Variants in ZNF385D observed in about 807,000 individuals in gnomAD.
The protein encoded by ZNF385D is zinc finger protein 659.
In ZNF385D, 15 loss-of-function variants were observed where a neutral mutation model predicts 35.8. That is an observed-to-expected ratio of 0.42 (90% confidence interval 0.28 to 0.64). ZNF385D has a LOEUF of 0.64. Among genes scored for constraint, ZNF385D ranks in the 30% least tolerant of loss-of-function variants. The probability of loss-of-function intolerance (pLI) is 0.23; values close to 1 mark genes in which losing one functional copy is unlikely to be tolerated. For missense variants in ZNF385D, 474 were observed against 494.6 expected (o/e 0.96, Z 0.39); for synonymous variants, 212 against 186.8 (o/e 1.13, Z -1.10).
At chr3:21,778,145 C>T (rs544099213) in intron 3 of ZNF385D, among the ~76,000 whole-genome samples, 52 of 152,006 alleles carry the variant, frequency 3.4e-4, no homozygotes, top group African/African-American at 1.3e-3. Context: ...AAAATTTAAA[C>T]ACTCCACAGT....
chr3:22,108,175 T>C (rs1208045266), intron 3 of ZNF385D, among the ~76,000 whole-genome samples: 1 of 152,100 alleles, frequency 6.6e-6, no homozygotes, highest in Non-Finnish European at 1.5e-5. Flanking sequence ...CAGAATAAAC[T>C]GAAATATTTG....
chr3:21,446,807 T>TG (rs35779388), intron 4 of ZNF385D, among the ~76,000 whole-genome samples: 3 of 151,966 alleles, frequency 2.0e-5, no homozygotes, highest in Non-Finnish European at 4.4e-5. Flanking sequence ...CAAACTTTTC[T>TG]TTGAGAGATG....
intron 3 of ZNF385D, among the ~76,000 whole-genome samples, chr3:21,554,044 T>C (rs1054688266): frequency 1.3e-5 from 2 of 152,220 alleles, no homozygotes; most frequent in Non-Finnish European, 2.9e-5. Flanking sequence ...ATATTTTGAC[T>C]TCCTCCCATG....
At chr3:21,580,822 T>C (rs1262028422) in intron 2 of ZNF385D, among the ~76,000 whole-genome samples, 1 of 152,068 alleles carries the variant, frequency 6.6e-6, no homozygotes, top group African/African-American at 2.4e-5. Flanking sequence ...TATATATATG[T>C]ATATACATAT....
intron 2 of ZNF385D, among the ~76,000 whole-genome samples, chr3:22,371,953 A>G (rs1696927036): frequency 6.6e-6 from 1 of 152,158 alleles, no homozygotes; most frequent in Non-Finnish European, 1.5e-5. Flanking sequence ...GAAGGAAATG[A>G]AAAGGAAGCA....
chr3:22,347,505 G>T (rs2125490408), intron 2 of ZNF385D, among the ~76,000 whole-genome samples: 1 of 152,254 alleles, frequency 6.6e-6, no homozygotes, highest in Admixed American at 6.5e-5. Flanking sequence ...GCTAACATCA[G>T]AAAAACTGCA....
intron 3 of ZNF385D, among the ~76,000 whole-genome samples, chr3:22,121,956 C>T (rs1048363685): frequency 6.6e-6 from 1 of 151,978 alleles, no homozygotes; most frequent in African/African-American, 2.4e-5. Flanking sequence ...GTCTGGAGAC[C>T]CAGCTACAGA....
At chr3:21,789,577 C>G (rs1257629104) in intron 3 of ZNF385D, among the ~76,000 whole-genome samples, 1 of 152,080 alleles carries the variant, frequency 6.6e-6, no homozygotes, top group Non-Finnish European at 1.5e-5. Context: ...AAGCAAAAAC[C>G]TTAATAGATT....
intron 2 of ZNF385D, among the ~76,000 whole-genome samples, chr3:22,352,523 A>G (rs929868594): frequency 2.6e-5 from 4 of 152,136 alleles, no homozygotes; most frequent in Non-Finnish European, 4.4e-5. Context: ...AAATTAAGAG[A>G]TTTCTTTGGA....
chr3:21,613,481 A>G (rs1267011127), intron 2 of ZNF385D, among the ~76,000 whole-genome samples: 1 of 152,130 alleles, frequency 6.6e-6, no homozygotes, highest in Non-Finnish European at 1.5e-5. Flanking sequence ...TTTACAAGCA[A>G]GGGGTCCTGA....
chr3:21,686,058 G>C (rs2125328593), intron 1 of ZNF385D, among the ~76,000 whole-genome samples: 1 of 152,256 alleles, frequency 6.6e-6, no homozygotes, highest in Non-Finnish European at 1.5e-5. Flanking sequence ...AATTGAAACA[G>C]TCTAGGCTTT....
At chr3:22,165,619 C>T (rs1490736141) in intron 3 of ZNF385D, among the ~76,000 whole-genome samples, 1 of 151,890 alleles carries the variant, frequency 6.6e-6, no homozygotes, top group South Asian at 2.1e-4. Context: ...TTTCATAACT[C>T]TGAGATTTAG....
chr3:21,752,065 C>T (rs1189829529), upstream of ZNF385D, among the ~76,000 whole-genome samples: 1 of 124,916 alleles, frequency 8.0e-6, no homozygotes, highest in Admixed American at 1.1e-4. Flanking sequence ...TTGAGATGAA[C>T]GGTCAAGAAA....
chr3:22,083,191 G>T (rs1252662974), intron 3 of ZNF385D, among the ~76,000 whole-genome samples: 1 of 152,240 alleles, frequency 6.6e-6, no homozygotes, highest in Non-Finnish European at 1.5e-5. Flanking sequence ...AAGGATCGCA[G>T]CTCCTCGCCA....
chr3:21,474,214 G>A (rs1020820768), intron 4 of ZNF385D, among the ~76,000 whole-genome samples: 1 of 151,900 alleles, frequency 6.6e-6, no homozygotes, highest in Non-Finnish European at 1.5e-5. Context: ...CATGGCTTAC[G>A]TAGGGAAACC....
chr3:22,299,128 G>C (rs552817009), intron 2 of ZNF385D, among the ~76,000 whole-genome samples: 7 of 151,884 alleles, frequency 4.6e-5, no homozygotes, highest in Non-Finnish European at 7.4e-5. Context: ...CACTGTATCT[G>C]TAAAAACTAA....
intron 3 of ZNF385D, among the ~76,000 whole-genome samples, chr3:21,993,416 A>C (rs1695266574): frequency 6.6e-6 from 1 of 152,138 alleles, no homozygotes. Context: ...GGTCTCTCCT[A>C]AATAATAACC....
chr3:22,146,312 G>T (rs995706403), intron 3 of ZNF385D, among the ~76,000 whole-genome samples: 1 of 152,030 alleles, frequency 6.6e-6, no homozygotes, highest in Admixed American at 6.6e-5. Flanking sequence ...TGTTAATTAA[G>T]CACGCTAAAA....
intron 3 of ZNF385D, among the ~76,000 whole-genome samples, chr3:21,941,658 C>T (rs1357397286): frequency 6.6e-6 from 1 of 151,846 alleles, no homozygotes; most frequent in South Asian, 2.1e-4. Context: ...CCACCACGTC[C>T]GGATAATTTT....
Sources: gnomAD v4.1 joint callset for allele counts (sites outside exome capture counted in the v4.1 genomes callset) on GRCh38, gnomAD v4.1.1 for gene constraint, MANE v1.5 for transcripts, NCBI Gene and HGNC (gene_info 2026-07-23, HGNC 2026-07-21) for gene names.